Variants in SIK3 observed in about 807,000 individuals in gnomAD.
SIK3 encodes SIK family kinase 3, also known as serine/threonine-protein kinase SIK3.
SIK3 carries 28 observed loss-of-function variants against 144.2 expected under a neutral mutation model. The ratio of observed to expected loss-of-function variants is 0.19; its 90% CI spans 0.14 to 0.27. The LOEUF (loss-of-function observed/expected upper bound fraction) is 0.27, where lower values mean the gene tolerates loss of function less well. Among genes scored for constraint, SIK3 ranks in the 10% least tolerant of loss-of-function variants. The pLI is 1.00. For missense variants in SIK3, 1,319 were observed against 1,776.0 expected (o/e 0.74, Z 4.62); for synonymous variants, 686 against 676.3 (o/e 1.01, Z -0.22).
intron 4 of SIK3, among the ~76,000 whole-genome samples, chr11:116,918,210 C>A (rs1946771993): frequency 6.6e-6 from 1 of 152,192 alleles, no homozygotes; most frequent in Non-Finnish European, 1.5e-5. Flanking sequence ...TTGATCCACA[C>A]TTTATTCAAT....
At chr11:116,874,906 C>T (rs548154862) in intron 11 of SIK3, among the ~76,000 whole-genome samples, 9 of 152,270 alleles carry the variant, frequency 5.9e-5, no homozygotes, top group Non-Finnish European at 1.2e-4. Context: ...GTGCAGGCAG[C>T]AGGGAACATC....
rs146036477 is a variant in SIK3, at chr11:116,953,360, C to T, written c.454+684G>A. On this transcript the variant is annotated intron_variant, in intron 3 of 24. Transcript: ENST00000445177. ...TTGCCAAAAGAAAAAATAAAAGACACATCAATTTAGATTTGGAAGTTTACC... is the reference window on the plus strand; with the variant it reads ...TTGCCAAAAGAAAAAATAAAAGACATATCAATTTAGATTTGGAAGTTTACC... 5.4e-3 allele frequency among the ~76,000 whole-genome samples: 816 copies of T among 152,184 alleles called. 13 individuals carry two copies. The highest frequency in any genetic ancestry group is 0.037 in the Middle Eastern group (11 of 294).
Position 117,071,184 on chromosome 11 carries a change from T to C in SIK3, c.273+26959A>G, listed in dbSNP as rs144942164. The stretch of plus-strand genomic sequence containing the variant: ...GAAATCAAAACCTTTGGGCTCAGTA[T>C]TGCAAAAAAAAAAAAAATAACATGA... On this transcript the variant is annotated intron_variant, in intron 1 of 24. Coordinates refer to ENST00000445177, the MANE Select transcript of SIK3 (RefSeq NM_001366686.3). Among the ~76,000 whole-genome samples, 212 of 125,918 alleles carry C rather than the reference T, an allele frequency of 1.7e-3. 2 individuals are homozygous for C. The East Asian group carries it at 0.04, about 24-fold the overall frequency. 82.6% of individuals were successfully genotyped at this position (125,918 alleles called of 152,430 possible).
chr11:116,947,565 ATGTAT>A (rs1252058700), intron 3 of SIK3, among the ~76,000 whole-genome samples: 1,984 of 51,288 alleles, frequency 0.039, 37 homozygotes, highest in South Asian at 0.15. Context: ...GTATGTATGT[ATGTAT>A]TTTTTTTTTT....
intron 1 of SIK3, among the ~76,000 whole-genome samples, chr11:117,085,435 T>C (rs1316940802): frequency 6.6e-6 from 1 of 151,938 alleles, no homozygotes; most frequent in Non-Finnish European, 1.5e-5. Flanking sequence ...CCCTGGGGTT[T>C]GGTTTTGTTT....
At chr11:117,021,928 C>CAAAAAAAAAAAAAAAAAAAAAA (rs71037444) in intron 1 of SIK3, among the ~76,000 whole-genome samples, 10 of 58,996 alleles carry the variant, frequency 1.7e-4, no homozygotes, top group East Asian at 1.3e-3. Flanking sequence ...TCTGTCTCTA[C>CAAAAAAAAAAAAAAAAAAAAAA]AAAAAAAAAA....
intron 1 of SIK3, among the ~76,000 whole-genome samples, chr11:116,966,478 T>C (rs570643265): frequency 2.6e-5 from 4 of 152,202 alleles, no homozygotes; most frequent in African/African-American, 9.7e-5. Flanking sequence ...ATACACCTTA[T>C]ACACATAGCT....
intron 1 of SIK3, among the ~76,000 whole-genome samples, chr11:117,095,531 G>A (rs149208346): frequency 8.5e-5 from 13 of 152,248 alleles, no homozygotes; most frequent in African/African-American, 2.9e-4. Context: ...CAGCAGCTTC[G>A]GCAACTTCTA....
At chr11:117,025,645 G>C (rs1261866729) in intron 1 of SIK3, among the ~76,000 whole-genome samples, 1 of 151,986 alleles carries the variant, frequency 6.6e-6, no homozygotes, top group Non-Finnish European at 1.5e-5. Flanking sequence ...GTCCAGGCTG[G>C]TCTTGAACTC....
At chr11:116,948,094 A>G (rs1197351642) in intron 3 of SIK3, among the ~76,000 whole-genome samples, 4 of 150,960 alleles carry the variant, frequency 2.6e-5, no homozygotes, top group Non-Finnish European at 5.9e-5. Flanking sequence ...ACCACCATGC[A>G]TGGCTAATTT....
At chr11:117,033,739 G>GA (rs894461883) in intron 1 of SIK3, among the ~76,000 whole-genome samples, 29 of 138,554 alleles carry the variant, frequency 2.1e-4, no homozygotes, top group Non-Finnish European at 4.1e-4. Context: ...GAAAAGAAAA[G>GA]AAAAAAAAAG....
At chr11:117,073,596 T>A (rs1391260831) in intron 1 of SIK3, among the ~76,000 whole-genome samples, 1 of 152,234 alleles carries the variant, frequency 6.6e-6, no homozygotes, top group Admixed American at 6.5e-5. Flanking sequence ...AAGAATTATA[T>A]GAAGTATACA....
intron 3 of SIK3, among the ~76,000 whole-genome samples, chr11:116,928,254 A>T (rs980230834): frequency 6.6e-6 from 1 of 152,242 alleles, no homozygotes; most frequent in South Asian, 2.1e-4. Flanking sequence ...AACAACATAC[A>T]TATCTTTGAC....
chr11:116,959,064 A>C lies in SIK3; in HGVS notation c.274-2000T>G, dbSNP rs1949247060. ...GATATATCCCCATAGCAGAGCTGCCAAACAGCTGTAATCCCAGCACTTTCG... is the reference window on the plus strand; with the variant it reads ...GATATATCCCCATAGCAGAGCTGCCCAACAGCTGTAATCCCAGCACTTTCG... On this transcript the variant is annotated intron_variant, in intron 1 of 24. Coordinates refer to ENST00000445177, the MANE Select transcript of SIK3 (RefSeq NM_001366686.3). 3.3e-5 allele frequency among the ~76,000 whole-genome samples: 5 copies of C among 152,326 alleles called. No individual in the cohort carries two copies. In the South Asian group the frequency reaches 1.0e-3, roughly 32 times the overall value.
chr11:117,038,348 G>T (rs1952599064), intron 1 of SIK3, among the ~76,000 whole-genome samples: 1 of 149,508 alleles, frequency 6.7e-6, no homozygotes, highest in South Asian at 2.1e-4. Flanking sequence ...AGAATAAACT[G>T]CTACAAGATA....
rs746511950 is a variant in SIK3 at position 117,053,210 on chromosome 11, A to T, written c.273+44933T>A. On this transcript the variant is annotated intron_variant, in intron 1 of 24. Transcript: ENST00000445177. ...AAATTAGCTGGGCATAGTGGCATAC[A>T]CCTATAATCCCAGCTACTCAGGAGG... Among the ~76,000 whole-genome samples, 53 of 151,886 alleles carry T rather than the reference A, an allele frequency of 3.5e-4. 1 individual carries two copies. The highest frequency in any genetic ancestry group is 6.2e-4 in the Non-Finnish European group (42 of 67,956).
At chr11:116,887,651 T>C (rs1387452927) in intron 6 of SIK3, among the ~76,000 whole-genome samples, 1 of 151,516 alleles carries the variant, frequency 6.6e-6, no homozygotes, top group Non-Finnish European at 1.5e-5. Flanking sequence ...TAAGATTCCA[T>C]AGTTAAGTAG....
intron 6 of SIK3, among the ~76,000 whole-genome samples, chr11:116,879,357 A>G (rs543819): frequency 0.08 from 12,175 of 152,238 alleles, 526 homozygotes; most frequent in Middle Eastern, 0.12. Context: ...TTTAACCTTC[A>G]CAACAACCTT....
intron 13 of SIK3, among the ~76,000 whole-genome samples, chr11:116,870,879 T>C (rs1943934511): frequency 6.6e-6 from 1 of 152,074 alleles, no homozygotes; most frequent in African/African-American, 2.4e-5. Flanking sequence ...AGTTACAGGT[T>C]TCCAGGCAGA....
Sources: gnomAD v4.1 joint callset for allele counts (sites outside exome capture counted in the v4.1 genomes callset) on GRCh38, gnomAD v4.1.1 for gene constraint, MANE v1.5 for transcripts, NCBI Gene and HGNC (gene_info 2026-07-23, HGNC 2026-07-21) for gene names.